Variants in SPECC1 observed in about 807,000 individuals in gnomAD.
SPECC1 encodes cytospin-B.
In SPECC1, 62 loss-of-function variants were observed where a neutral mutation model predicts 104.1. The ratio of observed to expected loss-of-function variants is 0.60; its 90% CI spans 0.49 to 0.74. SPECC1 has a LOEUF of 0.74. SPECC1 is among the 30% of genes least tolerant of loss of function. The probability of loss-of-function intolerance (pLI) is 0.00; values close to 1 mark genes in which losing one functional copy is unlikely to be tolerated. For missense variants in SPECC1, 1,306 were observed against 1,310.5 expected, an observed-to-expected ratio of 1.00 and a Z score of 0.05; for synonymous variants, 513 against 501.6, an observed-to-expected ratio of 1.02 and a Z score of -0.30.
At chr17:20,246,170 T>TG (rs1325816020) in intron 8 of SPECC1, 99 bp downstream of exon 8, 1 of 1,455,238 alleles carries the variant, frequency 6.9e-7, no homozygotes, top group Non-Finnish European at 9.3e-7. Flanking sequence ...CCCTGTGTTG[T>TG]TACAACCACA....
chr17:20,251,413 A>T (rs1249845933), intron 9 of SPECC1, among the ~76,000 whole-genome samples: 1 of 152,118 alleles, frequency 6.6e-6, no homozygotes, highest in Non-Finnish European at 1.5e-5. Flanking sequence ...GAAATATCGG[A>T]TGCTTTCCCA....
chr17:20,074,081 A>G (rs1433513309), intron 1 of SPECC1, among the ~76,000 whole-genome samples: 1 of 152,210 alleles, frequency 6.6e-6, no homozygotes, highest in African/African-American at 2.4e-5. Context: ...CAGGGTGAAT[A>G]GGGCTGCTTC....
intron 13 of SPECC1, among the ~76,000 whole-genome samples, chr17:20,297,517 T>C (rs771142717): frequency 5.9e-5 from 9 of 152,250 alleles, no homozygotes; most frequent in Non-Finnish European, 1.0e-4. Flanking sequence ...TCTTTACTTA[T>C]ATTTGTTTGT....
chr17:20,171,632 C>T lies in SPECC1; in HGVS notation c.284-32701C>T, dbSNP rs371798347. Among the ~76,000 whole-genome samples the T allele has an allele frequency of 2.6e-5, 4 of 152,198 alleles. No homozygotes were observed. The East Asian group carries it at 5.8e-4, about 22-fold the overall frequency. On this transcript the variant is annotated intron_variant, in intron 3 of 14. Coordinates refer to ENST00000395527, the MANE Select transcript of SPECC1 (RefSeq NM_001243439.2). ...GTGCAATCATGGCTCACTGCAGCCT[C>T]GACCTCCCAGGCTCAAGTGATCCTC...
At chr17:20,307,556 C>T (rs2041804903) in intron 14 of SPECC1, among the ~76,000 whole-genome samples, 1 of 152,192 alleles carries the variant, frequency 6.6e-6, no homozygotes, top group Admixed American at 6.5e-5. Flanking sequence ...TCCCCAGCTG[C>T]AAGGGCATTT....
At chr17:20,298,270 T>C (rs2041421634) in intron 13 of SPECC1, among the ~76,000 whole-genome samples, 4 of 151,840 alleles carry the variant, frequency 2.6e-5, no homozygotes, top group Admixed American at 2.6e-4. Context: ...GAGAATTGCT[T>C]GAACCTGGGA....
At chr17:20,274,501 T>C (rs2151644148) in intron 12 of SPECC1, among the ~76,000 whole-genome samples, 1 of 150,928 alleles carries the variant, frequency 6.6e-6, no homozygotes, top group East Asian at 2.0e-4. Context: ...CCTTTTTTTC[T>C]TTTTTCTTTT....
At chr17:20,303,244 T>A (rs1014829612) in intron 13 of SPECC1, among the ~76,000 whole-genome samples, 1 of 152,096 alleles carries the variant, frequency 6.6e-6, no homozygotes, top group South Asian at 2.1e-4. Context: ...AGCACCAAAA[T>A]AGGAGATTGC....
intron 1 of SPECC1, among the ~76,000 whole-genome samples, chr17:20,010,424 C>T (rs1172200206): frequency 6.6e-6 from 1 of 152,146 alleles, no homozygotes; most frequent in Non-Finnish European, 1.5e-5. Flanking sequence ...TTGGAAGATT[C>T]TGTTATCCAG....
At chr17:20,258,787 A>G (rs2039925184) in intron 11 of SPECC1, among the ~76,000 whole-genome samples, 1 of 152,238 alleles carries the variant, frequency 6.6e-6, no homozygotes, top group African/African-American at 2.4e-5. Flanking sequence ...ATGAAGTTGT[A>G]CCTAACACCT....
intron 7 of SPECC1, 39 bp downstream of exon 7, chr17:20,232,444 A>T (rs113282786): frequency 4.5e-6 from 7 of 1,561,556 alleles, no homozygotes; most frequent in Admixed American, 1.9e-5. Context: ...TTGCTTCTCA[A>T]TCACTATGTA....
chr17:20,022,507 C>T lies in SPECC1; in HGVS notation c.-22+13083C>T, dbSNP rs369000062. Among the ~76,000 whole-genome samples the T allele has an allele frequency of 1.5e-3, 230 of 152,274 alleles. 2 individuals are homozygous for T. Among genetic ancestry groups the T allele is most frequent in the African/African-American group, 4.0e-3 (165 of 41,558 alleles). Reference sequence around the variant, plus strand: ...TGGATAAGAATCCTTAATTCTATAACCTGAATAGTCAATCTGCCCCATGAA... The same window carrying T: ...TGGATAAGAATCCTTAATTCTATAATCTGAATAGTCAATCTGCCCCATGAA... On this transcript the variant is annotated intron_variant, in intron 1 of 14. Coordinates refer to ENST00000395527, the MANE Select transcript of SPECC1 (RefSeq NM_001243439.2).
intron 13 of SPECC1, among the ~76,000 whole-genome samples, chr17:20,298,289 G>A (rs545496068): frequency 8.6e-5 from 13 of 151,932 alleles, no homozygotes; most frequent in South Asian, 2.1e-4. Flanking sequence ...GAGGCAGATC[G>A]CACCACTGCA....
At chr17:20,248,415 A>G (rs190430408) in intron 9 of SPECC1, among the ~76,000 whole-genome samples, 7 of 152,252 alleles carry the variant, frequency 4.6e-5, no homozygotes, top group Admixed American at 3.3e-4. Context: ...ATCTTCTACA[A>G]ATTGATTCCT....
intron 6 of SPECC1, 36 bp from the exon 7 acceptor site, chr17:20,232,164 G>GT: frequency 6.2e-7 from 1 of 1,611,166 alleles, no homozygotes; most frequent in Non-Finnish European, 8.5e-7. Flanking sequence ...GGCCCTGGCA[G>GT]GCGTCTGACA....
intron 9 of SPECC1, among the ~76,000 whole-genome samples, chr17:20,253,109 A>AT (rs1205947791): frequency 1.3e-5 from 2 of 150,990 alleles, no homozygotes; most frequent in Non-Finnish European, 2.9e-5. Flanking sequence ...TTTGGTTTGC[A>AT]TTTCCCTGAT....
chr17:20,138,376 T>C (rs2030296890), intron 3 of SPECC1, among the ~76,000 whole-genome samples: 1 of 152,194 alleles, frequency 6.6e-6, no homozygotes, highest in Non-Finnish European at 1.5e-5. Flanking sequence ...CAGATCATTG[T>C]CACCCAAAGT....
At chr17:20,128,652 C>T (rs1348942858) in intron 3 of SPECC1, among the ~76,000 whole-genome samples, 2 of 152,042 alleles carry the variant, frequency 1.3e-5, no homozygotes, top group Non-Finnish European at 2.9e-5. Flanking sequence ...TACTCATTTT[C>T]ATCTTTTTTT....
At chr17:20,195,449 T>C (rs965726526) in intron 3 of SPECC1, among the ~76,000 whole-genome samples, 1 of 152,170 alleles carries the variant, frequency 6.6e-6, no homozygotes, top group Non-Finnish European at 1.5e-5. Context: ...GTAAATATAG[T>C]CCAAAGAAAG....
Sources: allele counts gnomAD v4.1 joint callset (sites outside exome capture counted in the v4.1 genomes callset), GRCh38; gene constraint gnomAD v4.1.1; transcripts MANE v1.5; gene names NCBI Gene and HGNC (gene_info 2026-07-23, HGNC 2026-07-21).